Variants in CA10 observed in about 807,000 individuals in gnomAD.
CA10 encodes carbonic anhydrase-related protein 10.
CA10 carries 14 observed loss-of-function variants against 44.2 expected under a neutral mutation model. The ratio of observed to expected loss-of-function variants is 0.32; its 90% confidence interval spans 0.21 to 0.50. CA10 has a LOEUF of 0.50. Among genes scored for constraint, CA10 ranks in the 20% least tolerant of loss-of-function variants. The probability of loss-of-function intolerance (pLI) is 0.99; values close to 1 mark genes in which losing one functional copy is unlikely to be tolerated. For missense variants in CA10, 350 were observed against 409.7 expected (o/e 0.85, Z 1.26); for synonymous variants, 159 against 141.6 (o/e 1.12, Z -0.87).
At chr17:51,822,449 A>C (rs1182680179) in intron 3 of CA10, among the ~76,000 whole-genome samples, 2 of 151,926 alleles carry the variant, frequency 1.3e-5, no homozygotes, top group Non-Finnish European at 2.9e-5. Flanking sequence ...CAAAAACAAA[A>C]AAACAAACAA....
At chr17:52,149,178 G>A (rs1989651408) in intron 1 of CA10, among the ~76,000 whole-genome samples, 1 of 152,222 alleles carries the variant, frequency 6.6e-6, no homozygotes, top group Non-Finnish European at 1.5e-5. Context: ...CAAATGTGTT[G>A]CAAAGCCAGC....
At chr17:52,075,235 A>G (rs1598201590) in intron 1 of CA10, among the ~76,000 whole-genome samples, 1 of 152,196 alleles carries the variant, frequency 6.6e-6, no homozygotes, top group Non-Finnish European at 1.5e-5. Flanking sequence ...TCAATATGTA[A>G]ATACCTGGGC....
At chr17:51,748,456 C>T in intron 3 of CA10, 1 of 984,668 alleles carries the variant, frequency 1.0e-6, no homozygotes, top group Non-Finnish European at 1.2e-6. Flanking sequence ...CTTGCTCCAG[C>T]CCCTTCAAAC....
At chr17:51,849,271 A>C (rs1978682914) in intron 3 of CA10, among the ~76,000 whole-genome samples, 2 of 136,186 alleles carry the variant, frequency 1.5e-5, no homozygotes, top group African/African-American at 5.3e-5. Flanking sequence ...ATATAAAACT[A>C]AGTTTTTTGG....
chr17:52,122,566 T>C (rs1168758025), intron 1 of CA10, among the ~76,000 whole-genome samples: 1 of 152,194 alleles, frequency 6.6e-6, no homozygotes, highest in Non-Finnish European at 1.5e-5. Flanking sequence ...ATCCCATGCT[T>C]ATCCCTGCCC....
chr17:52,151,445 A>G (rs1989701374), intron 1 of CA10, among the ~76,000 whole-genome samples: 2 of 152,096 alleles, frequency 1.3e-5, no homozygotes, highest in South Asian at 4.1e-4. Flanking sequence ...CTCCACTTGT[A>G]TCTACAAACG....
At chr17:51,839,500 C>CAAAAAA (rs34200978) in intron 3 of CA10, among the ~76,000 whole-genome samples, 7 of 36,290 alleles carry the variant, frequency 1.9e-4, no homozygotes, top group East Asian at 1.1e-3. Flanking sequence ...GACTCCTTCT[C>CAAAAAA]AAAAAAAAAA....
At chr17:51,819,151 T>C (rs1311048338) in intron 3 of CA10, among the ~76,000 whole-genome samples, 1 of 152,242 alleles carries the variant, frequency 6.6e-6, no homozygotes, top group East Asian at 1.9e-4. Flanking sequence ...TTTAGGTCTC[T>C]TGCTTGGAAT....
intron 3 of CA10, among the ~76,000 whole-genome samples, chr17:51,903,491 C>T (rs1981409289): frequency 6.6e-6 from 1 of 152,060 alleles, no homozygotes; most frequent in Admixed American, 6.6e-5. Context: ...CCCAATGAGC[C>T]AGGCAAACAC....
chr17:51,643,597 G>T (rs1219037390), intron 6 of CA10, among the ~76,000 whole-genome samples: 1 of 152,172 alleles, frequency 6.6e-6, no homozygotes, highest in East Asian at 1.9e-4. Flanking sequence ...AAGTAAAGTA[G>T]TAGAATCTCA....
intron 2 of CA10, among the ~76,000 whole-genome samples, chr17:51,972,598 C>A (rs1447822446): frequency 2.6e-5 from 4 of 152,074 alleles, no homozygotes; most frequent in Non-Finnish European, 5.9e-5. Context: ...ATCTAATATA[C>A]TGTAATAGCA....
At chr17:52,067,703 G>A (rs1458136855) in intron 2 of CA10, among the ~76,000 whole-genome samples, 3 of 152,234 alleles carry the variant, frequency 2.0e-5, no homozygotes, top group African/African-American at 7.2e-5. Context: ...CAGGGGCAGA[G>A]CTACCCACCT....
chr17:51,653,665 C>T lies in CA10; in HGVS notation c.537G>A (p.Leu179=). Residue 179 remains leucine, a synonymous_variant, in exon 5 of 9, where the codon TTG becomes TTA. Coordinates refer to ENST00000451037, the MANE Select transcript of CA10 (RefSeq NM_020178.5). ...VTEAAKSPNG[L]VVVSIFIKVS... ...CTTTTATAAATATAGAAACTACCAC[C>T]AATCCATTTGGACTCTTTGCAGCTT... 1 of 1,598,478 alleles carries T rather than the reference C, an allele frequency of 6.3e-7. No homozygotes were observed. Among genetic ancestry groups the T allele is most frequent in the Non-Finnish European group, 8.6e-7 (1 of 1,165,854 alleles).
intron 2 of CA10, among the ~76,000 whole-genome samples, chr17:51,998,940 C>T (rs776611923): frequency 1.1e-4 from 16 of 151,940 alleles, no homozygotes; most frequent in African/African-American, 2.7e-4. Flanking sequence ...AAATTAGTCT[C>T]GTGAAATTGT....
At chr17:51,754,032 C>T (rs1483915964) in intron 3 of CA10, among the ~76,000 whole-genome samples, 2 of 152,038 alleles carry the variant, frequency 1.3e-5, no homozygotes, top group Non-Finnish European at 2.9e-5. Context: ...TTAGTAGAGA[C>T]GGGGTTTCAC....
chr17:52,096,410 T>C (rs996651190), intron 1 of CA10, among the ~76,000 whole-genome samples: 3 of 152,148 alleles, frequency 2.0e-5, no homozygotes, highest in Non-Finnish European at 2.9e-5. Flanking sequence ...TCTATCTTGT[T>C]TTCCCCATCT....
chr17:51,806,524 A>C (rs1907146177), intron 3 of CA10, among the ~76,000 whole-genome samples: 1 of 152,242 alleles, frequency 6.6e-6, no homozygotes, highest in African/African-American at 2.4e-5. Flanking sequence ...AAACAAATAA[A>C]AATGAGAAAG....
chr17:52,030,596 T>C (rs1986436130), intron 2 of CA10, among the ~76,000 whole-genome samples: 2 of 152,142 alleles, frequency 1.3e-5, no homozygotes, highest in African/African-American at 4.8e-5. Context: ...CCTAGAAACT[T>C]GGTAAAGCAT....
At chr17:52,049,402 G>T (rs1184234502) in intron 2 of CA10, among the ~76,000 whole-genome samples, 1 of 152,216 alleles carries the variant, frequency 6.6e-6, no homozygotes, top group East Asian at 1.9e-4. Context: ...TTATGTGAAA[G>T]TTAGGAGAAA....
Sources: allele counts gnomAD v4.1 joint callset (sites outside exome capture counted in the v4.1 genomes callset), GRCh38; gene constraint gnomAD v4.1.1; transcripts MANE v1.5; gene names NCBI Gene and HGNC (gene_info 2026-07-23, HGNC 2026-07-21).